Variants in PSME4 observed in about 807,000 individuals in gnomAD.
PSME4 encodes the protein proteasome activator subunit 4, also known as proteasome activator complex subunit 4.
A neutral mutation model predicts 253.9 loss-of-function variants in PSME4; 89 were observed. The ratio of observed to expected loss-of-function variants is 0.35; its 90% confidence interval spans 0.30 to 0.42. The LOEUF (loss-of-function observed/expected upper bound fraction) is 0.42. Ranked by LOEUF, PSME4 falls within the 10% of genes least tolerant of loss-of-function variation. PSME4 has a pLI of 1.00. For missense variants in PSME4, 2,014 were observed against 2,195.2 expected, an observed-to-expected ratio of 0.92 and a Z score of 1.65; for synonymous variants, 851 against 759.2, an observed-to-expected ratio of 1.12 and a Z score of -1.99.
intron 24 of PSME4, among the ~76,000 whole-genome samples, chr2:53,907,232 A>G (rs1164419504): frequency 6.6e-6 from 1 of 152,230 alleles, no homozygotes; most frequent in Non-Finnish European, 1.5e-5. Flanking sequence ...ACAAATAGCC[A>G]TAGCCTTTCA....
rs1215411502 is a variant in PSME4, at chr2:53,926,972, C to CAAA, written c.1593+419_1593+421dup. ...TGGGTGACATAACAAGACTCCATCT[C>CAAA]AAAAAAAAAAGAAAGAAAGAAAGAA... On this transcript the variant is annotated intron_variant, in intron 12 of 46. Transcript: ENST00000404125. Among the ~76,000 whole-genome samples, 16 of 139,900 alleles carry CAAA rather than the reference C, an allele frequency of 1.1e-4. No homozygotes were observed. The South Asian group carries it at 1.4e-3, about 12-fold the overall frequency. The allele number at this position is 139,900 out of a possible 152,430, so 91.8% of individuals were successfully genotyped here. A position where few individuals can be genotyped will look rare whatever the true frequency, so the allele number is the denominator to read the frequency against.
intron 32 of PSME4, among the ~76,000 whole-genome samples, chr2:53,896,277 C>A (rs1281428808): frequency 6.6e-6 from 1 of 152,104 alleles, no homozygotes; most frequent in African/African-American, 2.4e-5. Flanking sequence ...AGTTGTCCCA[C>A]TGAATGTACT....
rs1003127839 is a variant in PSME4, at chr2:53,892,870, G to T, written c.4129C>A (p.Arg1377=). 6.2e-7 allele frequency: 1 copy of T among 1,613,700 alleles called. No homozygotes were observed. ...CCAGCTATAATTTCTGCAACACATC[G>T]CTGGGTGCTTTCATGTGAATCTGCA... The part of the protein sequence containing the change: ...LVADSHESTQ[R]CVAEIIAGLI... The change falls in exon 36 of 47, where the codon CGA becomes AGA. Residue 1377 remains arginine (R), a synonymous_variant. Transcript: ENST00000404125.
rs805417 is a variant in PSME4 at position 53,898,358 on chromosome 2, T to C, written c.3423-4A>G. ...GTCTACCAAATTTTCATAGTTCCTT[T>C]AAAAAAAAGGTGAGGTATTATTTTA... On this transcript the variant is annotated splice_region_variant and splice_polypyrimidine_tract_variant and intron_variant, in intron 29 of 46. Coordinates refer to ENST00000404125, the MANE Select transcript of PSME4 (RefSeq NM_014614.3). 0.3 allele frequency: 474,824 copies of C among 1,574,568 alleles called. 72,805 individuals carry two copies. The highest frequency in any genetic ancestry group is 0.45 in the South Asian group (37,931 of 84,894).
At chr2:53,936,731 TA>T (rs781622770) in intron 6 of PSME4, 32 bp downstream of exon 6, 6 of 1,398,442 alleles carry the variant, frequency 4.3e-6, no homozygotes, top group African/African-American at 1.5e-5. Flanking sequence ...AAAAAAACTA[TA>T]GGGGGGAAGA....
chr2:53,964,536 C>T (rs1670629326), intron 1 of PSME4, among the ~76,000 whole-genome samples: 1 of 152,176 alleles, frequency 6.6e-6, no homozygotes, highest in South Asian at 2.1e-4. Flanking sequence ...CTCTCTCTAA[C>T]TGGTTCTCAC....
chr2:53,951,682 T>C (rs1198895968), intron 1 of PSME4, among the ~76,000 whole-genome samples: 1 of 152,182 alleles, frequency 6.6e-6, no homozygotes, highest in Non-Finnish European at 1.5e-5. Flanking sequence ...AGCAACAACA[T>C]GACACTCAAA....
chr2:53,914,316 C>T (rs1667961184), intron 20 of PSME4, among the ~76,000 whole-genome samples: 1 of 152,152 alleles, frequency 6.6e-6, no homozygotes, highest in Non-Finnish European at 1.5e-5. Context: ...TCCTGTGACT[C>T]TGGAAAGACA....
intron 1 of PSME4, among the ~76,000 whole-genome samples, chr2:53,952,221 A>C (rs1229580810): frequency 6.6e-6 from 1 of 151,688 alleles, no homozygotes; most frequent in Non-Finnish European, 1.5e-5. Context: ...AGATCACGTG[A>C]GATTAGGAGT....
Position 53,878,345 on chromosome 2 carries a change from C to G in PSME4, c.4816-2590G>C, listed in dbSNP as rs575220096. 7.6e-4 allele frequency among the ~76,000 whole-genome samples: 115 copies of G among 152,266 alleles called. 1 individual carries two copies. The highest frequency in any genetic ancestry group is 2.7e-3 in the African/African-American group (113 of 41,560). Reference sequence around the variant, plus strand: ...CTCTTAATCCCATCATCTTCATAAGCTGAGGATGAATGTCGCCTCAGGACC... The same window carrying G: ...CTCTTAATCCCATCATCTTCATAAGGTGAGGATGAATGTCGCCTCAGGACC... On this transcript the variant is annotated intron_variant, in intron 41 of 46. Coordinates refer to ENST00000404125, the MANE Select transcript of PSME4 (RefSeq NM_014614.3).
Position 53,866,125 on chromosome 2 carries a change from G to A in PSME4, c.5496C>T (p.Leu1832=). ...AGCATGGTGACACAAGAAGATCGGT[G>A]AGAACAAGCAGTTGGTCATCAGTGA... ...QQFTDDQLLV[L]TDLLVSPCYY... is the part of the protein sequence containing the mutation. Residue 1832 remains leucine, a synonymous_variant, in exon 46 of 47, where the codon CTC becomes CTT. Transcript: ENST00000404125. 1 of 1,613,220 alleles carries A rather than the reference G, an allele frequency of 6.2e-7. No individual in the cohort carries two copies. Among genetic ancestry groups the A allele is most frequent in the Non-Finnish European group, 8.5e-7 (1 of 1,179,208 alleles).
chr2:53,928,444 A>G, intron 10 of PSME4, 141 bp from the exon 11 acceptor site: 1 of 667,576 alleles, frequency 1.5e-6, no homozygotes, highest in Non-Finnish European at 2.4e-6. Flanking sequence ...AAAATCTGCA[A>G]TCAAAGTTAA....
intron 18 of PSME4, among the ~76,000 whole-genome samples, chr2:53,920,594 C>A (rs1345740055): frequency 5.9e-5 from 9 of 152,058 alleles, no homozygotes; most frequent in Non-Finnish European, 1.2e-4. Flanking sequence ...AAGAGTGATA[C>A]TGTAAGAGTG....
Position 53,940,000 on chromosome 2 carries a change from A to C in PSME4, c.501T>G (p.Asn167Lys). The change falls in exon 4 of 47, where the codon AAT (asparagine) becomes AAG (lysine). Residue 167 changes from asparagine to lysine, a missense_variant and splice_region_variant. By Grantham distance (94) the Asn-to-Lys change is moderately conservative. This residue lies in a region of PSME4 where 615 missense variants were observed against 594.4 expected (regional missense o/e 1.03). Coordinates refer to ENST00000404125, the MANE Select transcript of PSME4 (RefSeq NM_014614.3). ...TEHLGLNWFP[N>K]SVENILKTLV... ...GTGTTTTGAGAATATTTTCTACAGA[A>C]CTGGGGGGGGAAAGCCATTTGATAA... 6.3e-7 allele frequency: 1 copy of C among 1,580,602 alleles called. No individual in the cohort carries two copies. Among genetic ancestry groups the C allele is most frequent in the South Asian group, 1.1e-5 (1 of 87,302 alleles).
In PSME4 at chr2:53,869,459, T is replaced by C. The variant is rs1485651671; in HGVS notation, c.5180A>G (p.His1727Arg). 1.9e-6 allele frequency: 3 copies of C among 1,611,062 alleles called. No individual in the cohort carries two copies. The highest frequency in any genetic ancestry group is 3.3e-5 in the Admixed American group (2 of 60,018). ...FLTMDSPMQIHFEQLCKTKLP... is the reference protein window; with the variant it reads ...FLTMDSPMQIRFEQLCKTKLP... ...TTTTGTTTTGCAAAGTTGCTCAAAA[T>C]GAATCTGCATAGGACTGTCCATGGT... The change falls in exon 44 of 47, where the codon CAT becomes CGT. Residue 1727 changes from histidine to arginine, a missense_variant. Physicochemically the swap from His to Arg is conservative, Grantham distance 29. This residue lies in a region of PSME4 where 403 missense variants were observed against 556.1 expected (regional missense o/e 0.72). Coordinates refer to ENST00000404125, the MANE Select transcript of PSME4 (RefSeq NM_014614.3).
At chr2:53,968,809 T>C (rs1306142205) in intron 1 of PSME4, among the ~76,000 whole-genome samples, 1 of 152,230 alleles carries the variant, frequency 6.6e-6, no homozygotes, top group African/African-American at 2.4e-5. Flanking sequence ...CAAACTTTTA[T>C]CTAATAAGCC....
chr2:53,931,067 C>G (rs999248701), intron 10 of PSME4, among the ~76,000 whole-genome samples: 5 of 152,164 alleles, frequency 3.3e-5, no homozygotes, highest in African/African-American at 1.2e-4. Context: ...CACCTGAGGT[C>G]AGGAGTTCGA....
chr2:53,940,999 A>G (rs1458193175), intron 3 of PSME4, among the ~76,000 whole-genome samples: 12 of 96,492 alleles, frequency 1.2e-4, no homozygotes, highest in African/African-American at 3.7e-4. Flanking sequence ...ATATATATAT[A>G]TGAAAGGAGT....
At chr2:53,927,749 C>A (rs1376827455) in intron 11 of PSME4, among the ~76,000 whole-genome samples, 1 of 152,068 alleles carries the variant, frequency 6.6e-6, no homozygotes, top group Non-Finnish European at 1.5e-5. Flanking sequence ...GAGTTCGAGA[C>A]CAGCCTGGCC....
Sources: gnomAD v4.1 joint callset for allele counts (sites outside exome capture counted in the v4.1 genomes callset) on GRCh38, gnomAD v4.1.1 for gene constraint, gnomAD v4.1.1 regional missense constraint, MANE v1.5 for transcripts, NCBI Gene and HGNC (gene_info 2026-07-23, HGNC 2026-07-21) for gene names.